The following MSLN variants were observed in gnomAD, a reference collection of about 807,000 sequenced individuals.
MSLN encodes the protein mesothelin.
A neutral mutation model predicts 72.6 loss-of-function variants in MSLN; 82 were observed. The ratio of observed to expected loss-of-function variants is 1.13; its 90% CI spans 0.94 to 1.36. The LOEUF (loss-of-function observed/expected upper bound fraction) is 1.36. Among genes scored for constraint, MSLN ranks in the 40% most tolerant of loss-of-function variants. The probability of loss-of-function intolerance (pLI) is 0.00; values close to 1 mark genes in which losing one functional copy is unlikely to be tolerated. For missense variants in MSLN, 1,005 were observed against 847.9 expected, an observed-to-expected ratio of 1.19 and a Z score of -2.30; for synonymous variants, 456 against 387.3, an observed-to-expected ratio of 1.18 and a Z score of -2.08.
Position 766,745 on chromosome 16 carries a change from C to T in MSLN, c.1308C>T (p.Phe436=), listed in dbSNP as rs1567358845. 5 of 1,612,662 alleles carry T rather than the reference C, an allele frequency of 3.1e-6. No individual in the cohort carries two copies. Among genetic ancestry groups the T allele is most frequent in the South Asian group, 1.1e-5 (1 of 91,080 alleles). ...ACACCCTAGACACCCTGACCGCCTT[C>T]TACCCTGGGTACCTGTGCTCCCTCA... ...DKDTLDTLTA[F]YPGYLCSLSP... The change falls in exon 14 of 18, where the codon TTC becomes TTT. Residue 436 remains phenylalanine, a synonymous_variant. Transcript: ENST00000545450.
chr16:761,607 C>T (rs897185794), intron 2 of MSLN, among the ~76,000 whole-genome samples: 1 of 149,592 alleles, frequency 6.7e-6, no homozygotes, highest in African/African-American at 2.5e-5. Flanking sequence ...GGGGGTCCCA[C>T]TCACTGCCCA....
chr16:767,069 C>A, intron 15 of MSLN, 57 bp downstream of exon 15: 1 of 1,607,444 alleles, frequency 6.2e-7, no homozygotes. Flanking sequence ...GCACAGACTC[C>A]ACTCGGGGGT....
chr16:764,123 G>GTCAAGCTC lies in MSLN; in HGVS notation c.285_292dup (p.Thr98SerfsTer83). 8 of 1,605,462 alleles carry GTCAAGCTC rather than the reference G, an allele frequency of 5.0e-6. No homozygotes were observed. Among genetic ancestry groups the GTCAAGCTC allele is most frequent in the Non-Finnish European group, 6.8e-6 (8 of 1,179,762 alleles). On this transcript the variant is annotated frameshift_variant, in exon 6 of 18. Coordinates refer to ENST00000545450, the MANE Select transcript of MSLN (RefSeq NM_005823.6). LOFTEE classifies it high-confidence loss of function. ...GGCTGTGGCCTTGGCACAGAAGAATGTCAAGCTCTCAACAGAGCAGGTCAG... is the reference window on the plus strand; with the variant it reads ...GGCTGTGGCCTTGGCACAGAAGAATGTCAAGCTCTCAAGCTCTCAACAGAGCAGGTCAG...
chr16:763,378 C>T lies in MSLN; in HGVS notation c.129+102C>T, dbSNP rs969730429. The T allele has an allele frequency of 6.4e-6, 7 of 1,097,310 alleles. No homozygotes were observed. The African/African-American group carries it at 1.1e-4, about 18-fold the overall frequency. The allele number at this position is 1,097,310 out of a possible 1,614,324, so 68.0% of individuals were successfully genotyped here. On this transcript the variant is annotated intron_variant, in intron 4 of 17. Transcript: ENST00000545450. ...CGTATCCACGGTGCTTGCCAGTTTCCACGGTCCTTGCTTGCAAAGGGGCAC... is the reference window on the plus strand; with the variant it reads ...CGTATCCACGGTGCTTGCCAGTTTCTACGGTCCTTGCTTGCAAAGGGGCAC...
intron 16 of MSLN, 37 bp from the exon 17 acceptor site, chr16:768,342 G>C: frequency 6.7e-7 from 1 of 1,497,392 alleles, no homozygotes; most frequent in Non-Finnish European, 8.9e-7. Context: ...CTGAGGGAAG[G>C]AGACCCTCCT....
rs769549467 is a variant in MSLN, at chr16:767,441, T to TTG, written c.1568_1569insGT (p.Phe523LeufsTer3). ...GAATGTGAGCATGGACTTGGCCACG[T>TTG]TCATGAAGCTGCGGACGGATGCGGT... On this transcript the variant is annotated frameshift_variant, in exon 16 of 18. Coordinates refer to ENST00000545450, the MANE Select transcript of MSLN (RefSeq NM_005823.6). LOFTEE classifies it high-confidence loss of function. 1.3e-6 allele frequency: 2 copies of TTG among 1,574,080 alleles called. No individual in the cohort carries two copies. The highest frequency in any genetic ancestry group is 2.2e-5 in the South Asian group (2 of 89,834).
rs1457395210 is a variant in MSLN at position 762,739 on chromosome 16, G to C, written c.59G>C (p.Ser20Thr). Residue 20 changes from serine (S) to threonine (T), a missense_variant, in exon 3 of 18, where the codon AGC becomes ACC. Ser to Thr is a moderately conservative substitution (Grantham distance 58). Coordinates refer to ENST00000545450, the MANE Select transcript of MSLN (RefSeq NM_005823.6). ...LGSCGTPALG[S>T]LLFLLFSLGW... ...TCCTGTGGGACCCCCGCCCTCGGCA[G>C]CCTCCTGTTCCTGCTCTTCAGCCTC... 2 of 1,602,018 alleles carry C rather than the reference G, an allele frequency of 1.2e-6. No individual in the cohort carries two copies. Among genetic ancestry groups the C allele is most frequent in the African/African-American group, 1.3e-5 (1 of 74,518 alleles).
intron 6 of MSLN, 92 bp from the exon 7 acceptor site, chr16:764,555 T>C: frequency 2.0e-6 from 2 of 1,009,432 alleles, no homozygotes; most frequent in South Asian, 1.3e-5. Context: ...AGGGCAGGGG[T>C]GTGTTGTGGT....
In MSLN at chr16:765,918, A is replaced by G. The variant is rs575844790; in HGVS notation, c.895+128A>G. The G allele has an allele frequency of 9.9e-6, 13 of 1,318,326 alleles. No homozygotes were observed. In the African/African-American group the frequency reaches 1.2e-4, roughly 12 times the overall value. 81.7% of individuals were successfully genotyped at this position (1,318,326 alleles called of 1,614,324 possible). On this transcript the variant is annotated intron_variant, in intron 11 of 17. Transcript: ENST00000545450. ...ATCCCATTATAATCACAGAGAGTGG[A>G]CAGAATCCCTGTTTGCCAGTGGGTA...
intron 2 of MSLN, among the ~76,000 whole-genome samples, chr16:761,851 G>C (rs190973269): frequency 6.6e-6 from 1 of 152,350 alleles, no homozygotes. Flanking sequence ...GGACCCACCG[G>C]GCCTGGGCCA....
rs559684897 is a variant in MSLN at position 764,122 on chromosome 16, T to A, written c.279T>A (p.Asn93Lys). The A allele has an allele frequency of 6.2e-7, 1 of 1,605,374 alleles. No homozygotes were observed. Among genetic ancestry groups the A allele is most frequent in the African/African-American group, 1.3e-5 (1 of 74,916 alleles). ...RELAVALAQK[N>K]VKLSTEQLRC... is the part of the protein sequence containing the mutation. ...TGGCTGTGGCCTTGGCACAGAAGAA[T>A]GTCAAGCTCTCAACAGAGCAGGTCA... The change falls in exon 6 of 18, where the codon AAT becomes AAA. Residue 93 changes from asparagine (N) to lysine (K), a missense_variant. Transcript: ENST00000545450.
At chr16:762,809 G>T in intron 3 of MSLN, 44 bp downstream of exon 3, 1 of 1,458,416 alleles carries the variant, frequency 6.9e-7, no homozygotes, top group African/African-American at 1.4e-5. Context: ...GACGGCCCAG[G>T]GGCCTTGGGG....
chr16:762,557 A>C, intron 2 of MSLN, 115 bp from the exon 3 acceptor site: 1 of 754,840 alleles, frequency 1.3e-6, no homozygotes, highest in African/African-American at 1.8e-5. Context: ...AGCTGCAGGT[A>C]CCACAGAAGT....
Position 764,733 on chromosome 16 carries a change from C to T in MSLN, c.380+7C>T. 1.2e-6 allele frequency: 2 copies of T among 1,606,986 alleles called. No homozygotes were observed. The highest frequency in any genetic ancestry group is 1.7e-6 in the Non-Finnish European group (2 of 1,176,088). Reference sequence around the variant, plus strand: ...ACCTGCTGCTATTCCTCAAGTAGGCCCTGCCCCCTGAACCCACCCCCCCGG... The same window carrying T: ...ACCTGCTGCTATTCCTCAAGTAGGCTCTGCCCCCTGAACCCACCCCCCCGG... On this transcript the variant is annotated splice_region_variant and intron_variant, in intron 7 of 17. Coordinates refer to ENST00000545450, the MANE Select transcript of MSLN (RefSeq NM_005823.6).
Position 768,426 on chromosome 16 carries a change from G to A in MSLN, c.1644G>A (p.Glu548=). ...EVQKLLGPHV[E]GLKAEERHRP... is the part of the protein sequence containing the mutation. ...AGAAACTTCTGGGACCCCACGTGGA[G>A]GGCCTGAAGGCGGAGGAGCGGCACC... Residue 548 remains glutamate (E), a synonymous_variant, in exon 17 of 18, where the codon GAG becomes GAA. Transcript: ENST00000545450. The A allele has an allele frequency of 6.6e-7, 1 of 1,517,156 alleles. No individual in the cohort carries two copies. Among genetic ancestry groups the A allele is most frequent in the Non-Finnish European group, 8.8e-7 (1 of 1,130,808 alleles). 94.0% of individuals were successfully genotyped at this position (1,517,156 alleles called of 1,614,324 possible).
chr16:768,692 C>G lies in MSLN; in HGVS notation c.1828C>G (p.Leu610Val), dbSNP rs2041677370. The change falls in exon 18 of 18, where the codon CTC becomes GTC. Residue 610 changes from leucine (L) to valine (V), a missense_variant. By Grantham distance (32) the Leu-to-Val change is conservative. Transcript: ENST00000545450. ...TPCLLGPGPV[L>V]TVLALLLAST... The stretch of plus-strand genomic sequence containing the variant: ...CTGCCTCCTAGGACCTGGACCTGTT[C>G]TCACCGTCCTGGCACTGCTCCTAGC... 3 of 1,611,078 alleles carry G rather than the reference C, an allele frequency of 1.9e-6. No individual in the cohort carries two copies. The highest frequency in any genetic ancestry group is 2.5e-6 in the Non-Finnish European group (3 of 1,179,548).
chr16:766,919 C>T lies in MSLN; in HGVS notation c.1408C>T (p.Pro470Ser). The T allele has an allele frequency of 6.2e-7, 1 of 1,612,572 alleles. No individual in the cohort carries two copies. Among genetic ancestry groups the T allele is most frequent in the Non-Finnish European group, 8.5e-7 (1 of 1,179,854 alleles). ...VRPQDLDTCD[P>S]RQLDVLYPKA... ...GCCCCAGGACCTGGACACGTGTGAC[C>T]CAAGGCAGCTGGACGTCCTCTATCC... is the stretch of plus-strand genomic sequence containing the variant. Residue 470 changes from proline (P) to serine (S), a missense_variant, in exon 15 of 18, where the codon CCA (proline) becomes TCA (serine). Coordinates refer to ENST00000545450, the MANE Select transcript of MSLN (RefSeq NM_005823.6).
At chr16:765,901 A>C in intron 11 of MSLN, 111 bp downstream of exon 11, 6 of 1,330,406 alleles carry the variant, frequency 4.5e-6, no homozygotes, top group Non-Finnish European at 5.2e-6. Context: ...ACATCCCATT[A>C]TAATCACAGA....
intron 15 of MSLN, 123 bp from the exon 16 acceptor site, chr16:767,253 G>A (rs2041627852): frequency 8.8e-7 from 1 of 1,139,408 alleles, no homozygotes; most frequent in Admixed American, 1.9e-5. Context: ...GGCAAACCCA[G>A]GCCCTGGAAT....
Sources: allele counts gnomAD v4.1 joint callset (sites outside exome capture counted in the v4.1 genomes callset), GRCh38; gene constraint gnomAD v4.1.1; transcripts MANE v1.5; gene names NCBI Gene and HGNC (gene_info 2026-07-23, HGNC 2026-07-21).